GOLGA3: variants seen among roughly 807,000 people sequenced by gnomAD.
GOLGA3 encodes the protein golgin A3.
A neutral mutation model predicts 169.4 loss-of-function variants in GOLGA3; 75 were observed. That is an observed-to-expected ratio of 0.44 (90% CI 0.37 to 0.54). The LOEUF is 0.54. Among genes scored for constraint, GOLGA3 ranks in the 20% least tolerant of loss-of-function variants. The pLI, the probability that GOLGA3 is intolerant of heterozygous loss-of-function variation, is 0.00. For synonymous variants in GOLGA3, 824 were observed against 822.4 expected (o/e 1.00, Z -0.03); for missense variants, 1,899 against 1,930.0 (o/e 0.98, Z 0.30).
chr12:132,789,230 T>G lies in GOLGA3; in HGVS notation c.2608A>C (p.Lys870Gln), dbSNP rs117230223. 9 of 1,609,280 alleles carry G rather than the reference T, an allele frequency of 5.6e-6. No homozygotes were observed. Among genetic ancestry groups the G allele is most frequent in the Non-Finnish European group, 7.6e-6 (9 of 1,179,950 alleles). Residue 870 changes from lysine to glutamine, a missense_variant, in exon 13 of 24, where the codon AAA (lysine) becomes CAA (glutamine). Coordinates refer to ENST00000450791, the MANE Select transcript of GOLGA3 (RefSeq NM_001389683.1). The part of the protein sequence containing the change: ...TSKDQLISEL[K>Q]ATRKRLDSEL... ...GAGTCCAGCCTCTTCCTGGTGGCTT[T>G]CAGCTCACTGATGAGCTGGTCTTTG...
intron 12 of GOLGA3, among the ~76,000 whole-genome samples, chr12:132,790,809 A>G (rs1202272300): frequency 6.6e-6 from 1 of 152,080 alleles, no homozygotes; most frequent in Non-Finnish European, 1.5e-5. Context: ...GCACTTTGGG[A>G]GGCCGAGGAG....
intron 18 of GOLGA3, among the ~76,000 whole-genome samples, chr12:132,779,025 G>A (rs942275354): frequency 1.3e-5 from 2 of 152,214 alleles, no homozygotes; most frequent in South Asian, 2.1e-4. Flanking sequence ...ACGGCCGGGC[G>A]GATGAGGCCT....
At chr12:132,792,436 G>A (rs2136427997) in intron 11 of GOLGA3, among the ~76,000 whole-genome samples, 1 of 152,346 alleles carries the variant, frequency 6.6e-6, no homozygotes, top group East Asian at 1.9e-4. Flanking sequence ...CCCGGTGTTG[G>A]GCTGCGCCCA....
intron 1 of GOLGA3, among the ~76,000 whole-genome samples, chr12:132,824,383 A>G (rs370901088): frequency 2.2e-4 from 33 of 152,352 alleles, no homozygotes; most frequent in Admixed American, 1.7e-3. Context: ...TTATGAGTTC[A>G]TAACAGTGTT....
chr12:132,824,357 T>C (rs1401474091), intron 1 of GOLGA3, among the ~76,000 whole-genome samples: 2 of 152,226 alleles, frequency 1.3e-5, no homozygotes, highest in African/African-American at 4.8e-5. Flanking sequence ...CCTTGCATCC[T>C]ACAGGCCAGA....
chr12:132,773,520 C>T (rs1417081505), intron 23 of GOLGA3, among the ~76,000 whole-genome samples: 2 of 152,238 alleles, frequency 1.3e-5, no homozygotes, highest in East Asian at 3.9e-4. Context: ...AGGGTGGAAG[C>T]TGTCACTGAG....
chr12:132,817,313 CG>C lies in GOLGA3; in HGVS notation c.134-502del. Among the ~76,000 whole-genome samples, 2 of 13,740 alleles carry C rather than the reference CG, an allele frequency of 1.5e-4. 1 individual carries two copies. The highest frequency in any genetic ancestry group is 3.3e-4 in the Non-Finnish European group (2 of 5,972). The allele number at this position is 13,740 out of a possible 152,430, so 9.0% of individuals were successfully genotyped here. A position where few individuals can be genotyped will look rare whatever the true frequency, so the allele number is the denominator to read the frequency against. On this transcript the variant is annotated intron_variant, in intron 2 of 23. Transcript: ENST00000450791. ...ACTCCTCCACGCTCTAAGGTGAACC[CG>C]CCCTCCACACCTCCACGCTCTAAGG...
At chr12:132,805,736 T>G (rs1172660813) in intron 6 of GOLGA3, among the ~76,000 whole-genome samples, 1 of 152,200 alleles carries the variant, frequency 6.6e-6, no homozygotes, top group Non-Finnish European at 1.5e-5. Context: ...CAACTGCACC[T>G]GCACAGGGCA....
chr12:132,783,209 A>ACAATGGACACCACACAACCCTG (rs1307139109), intron 16 of GOLGA3, among the ~76,000 whole-genome samples: 3 of 82,570 alleles, frequency 3.6e-5, no homozygotes, highest in Non-Finnish European at 5.4e-5. Flanking sequence ...AAAACAAAGA[A>ACAATGGACACCACACAACCCTG]CAATGGACAC....
chr12:132,775,053 C>G, intron 22 of GOLGA3, 88 bp downstream of exon 22: 1 of 1,196,936 alleles, frequency 8.4e-7, no homozygotes, highest in South Asian at 1.4e-5. Flanking sequence ...CCGTTTATGT[C>G]TGAATGACTA....
rs1949521421 is a variant in GOLGA3 at position 132,808,261 on chromosome 12, T to C, written c.808A>G (p.Lys270Glu). The C allele has an allele frequency of 6.2e-7, 1 of 1,613,948 alleles. No individual in the cohort carries two copies. Among genetic ancestry groups the C allele is most frequent in the South Asian group, 1.1e-5 (1 of 91,086 alleles). ...GGNVPAPDST[K>E]GSLKQNRSSA... The stretch of plus-strand genomic sequence containing the variant: ...CTTCTGTTCTGCTTCAGGGAACCCT[T>C]GGTAGAATCGGGAGCCGGGACATTT... Residue 270 changes from lysine to glutamate, a missense_variant, in exon 5 of 24, where the codon AAG becomes GAG. Lys to Glu is a moderately conservative substitution (Grantham distance 56). Transcript: ENST00000450791.
intron 14 of GOLGA3, 67 bp downstream of exon 14, chr12:132,786,626 G>A (rs773733251): frequency 1.4e-4 from 211 of 1,556,392 alleles, no homozygotes; most frequent in Non-Finnish European, 1.7e-4. Context: ...ATTCTGGTTC[G>A]CCTCCCCCCC....
At chr12:132,818,861 A>C (rs1310079293) in intron 2 of GOLGA3, among the ~76,000 whole-genome samples, 1 of 152,102 alleles carries the variant, frequency 6.6e-6, no homozygotes, top group East Asian at 1.9e-4. Flanking sequence ...TGCTGGGTAA[A>C]GGCCTGGGTT....
Position 132,804,676 on chromosome 12 carries a change from C to T in GOLGA3, c.1597+40G>A. ...AGGAAGGAGGAGGGAGCAGCAGGGA[C>T]CAGTCAGGGAGGGGAGGGCGTGGCC... is the stretch of plus-strand genomic sequence containing the variant. On this transcript the variant is annotated intron_variant, in intron 7 of 23. Transcript: ENST00000450791. The surrounding 1 kb of genome is among the most constrained non-coding windows in gnomAD (Gnocchi z 4.1). 1 of 1,517,942 alleles carries T rather than the reference C, an allele frequency of 6.6e-7. No individual in the cohort carries two copies. Among genetic ancestry groups the T allele is most frequent in the South Asian group, 1.2e-5 (1 of 85,210 alleles). The allele number at this position is 1,517,942 out of a possible 1,614,324, so 94.0% of individuals were successfully genotyped here.
intron 6 of GOLGA3, 45 bp from the exon 7 acceptor site, chr12:132,805,067 A>C (rs1240441876): frequency 6.4e-7 from 1 of 1,570,778 alleles, no homozygotes; most frequent in Non-Finnish European, 8.6e-7. Flanking sequence ...AAAACGAGTC[A>C]CTTCCATCCA....
At chr12:132,820,662 T>C (rs1364326256) in intron 2 of GOLGA3, among the ~76,000 whole-genome samples, 1 of 152,160 alleles carries the variant, frequency 6.6e-6, no homozygotes, top group Non-Finnish European at 1.5e-5. Context: ...GCATGAGAAC[T>C]GAGTGAATAA....
Position 132,803,729 on chromosome 12 carries a change from CTG to C in GOLGA3, c.1597+985_1597+986del, listed in dbSNP as rs544731590. Among the ~76,000 whole-genome samples, 733 of 152,306 alleles carry C rather than the reference CTG, an allele frequency of 4.8e-3. 3 individuals carry two copies. Among genetic ancestry groups the C allele is most frequent in the African/African-American group, 0.017 (693 of 41,562 alleles). Reference sequence around the variant, plus strand: ...TGTGACGCCAGCTTGTCACCTTCCTCTGTGTCATCCAAGACCCAGTCTCACAG... The same window carrying C: ...TGTGACGCCAGCTTGTCACCTTCCTCTGTCATCCAAGACCCAGTCTCACAG... On this transcript the variant is annotated intron_variant, in intron 7 of 23. Coordinates refer to ENST00000450791, the MANE Select transcript of GOLGA3 (RefSeq NM_001389683.1).
chr12:132,777,755 C>T lies in GOLGA3; in HGVS notation c.3633G>A (p.Ala1211=), dbSNP rs78964783. 3.5e-3 allele frequency: 5,632 copies of T among 1,614,056 alleles called. 114 individuals carry two copies. The African/African-American group carries it at 0.05, about 14-fold the overall frequency. Residue 1211 remains alanine (A), a synonymous_variant, in exon 19 of 24, where the codon GCG becomes GCA. Transcript: ENST00000450791. The surrounding 1 kb of genome is among the most constrained non-coding windows in gnomAD (Gnocchi z 4.7). ...EAGHNRRHFK[A]ASLELSEVKK... ...TCACCTCACTCAGCTCCAAGGAGGCCGCCTTGAAGTGGCGGCGGTTATGCC... is the reference window on the plus strand; with the variant it reads ...TCACCTCACTCAGCTCCAAGGAGGCTGCCTTGAAGTGGCGGCGGTTATGCC...
chr12:132,780,891 T>C lies in GOLGA3; in HGVS notation c.3489A>G (p.Lys1163=), dbSNP rs2045562904. 1.2e-6 allele frequency: 2 copies of C among 1,611,556 alleles called. No homozygotes were observed. Among genetic ancestry groups the C allele is most frequent in the African/African-American group, 1.3e-5 (1 of 74,938 alleles). ...GCTTCATCTGGCGATCCTCCTCTTC[T>C]TTGCGCTGCAAAACTGCCTGCACCT... ...NLQVQAVLQR[K]EEEDRQMKHL... is the part of the protein sequence containing the mutation. The change falls in exon 18 of 24, where the codon AAA becomes AAG. Residue 1163 remains lysine (K), a synonymous_variant. Transcript: ENST00000450791.
Sources: allele counts gnomAD v4.1 joint callset (sites outside exome capture counted in the v4.1 genomes callset), GRCh38; gene constraint gnomAD v4.1.1; non-coding constraint Gnocchi (gnomAD v3.1); transcripts MANE v1.5; gene names NCBI Gene and HGNC (gene_info 2026-07-23, HGNC 2026-07-21).